Variants in TF observed in about 807,000 individuals in gnomAD.
The protein encoded by TF is transferrin.
In TF, 55 loss-of-function variants were observed where a neutral mutation model predicts 82.4. The observed-to-expected ratio is 0.67, with a 90% CI of 0.54 to 0.84. The LOEUF (loss-of-function observed/expected upper bound fraction) is 0.84. Among genes scored for constraint, TF ranks in the 40% least tolerant of loss-of-function variants. The probability of loss-of-function intolerance (pLI) is 0.00; values close to 1 mark genes in which losing one functional copy is unlikely to be tolerated. For synonymous variants in TF, 332 were observed against 332.6 expected, an observed-to-expected ratio of 1.00 and a Z score of 0.02; for missense variants, 737 against 868.4, an observed-to-expected ratio of 0.85 and a Z score of 1.90.
the TF span, among the ~76,000 whole-genome samples, chr3:133,724,573 C>A: frequency 3.4e-4 from 51 of 152,168 alleles, no homozygotes; most frequent in Non-Finnish European, 5.1e-4. Context: ...TCAGATGAGT[C>A]GGTTGCGAAA....
the TF span, among the ~76,000 whole-genome samples, chr3:133,693,930 C>A: frequency 2.6e-5 from 4 of 152,040 alleles, no homozygotes; most frequent in Non-Finnish European, 5.9e-5. Flanking sequence ...CTCTCACACC[C>A]TGCAGCGGAC....
At position 133,791,827 on chromosome 3, in the gene TF, T is replaced by C. The variant is rs1934846635; in HGVS notation, c.*13207T>C. 6.6e-6 allele frequency: 1 copy of C among 152,208 alleles called. No individual in the cohort carries two copies. The highest frequency in any genetic ancestry group is 1.5e-5 in the Non-Finnish European group (1 of 68,030). The allele number at this position is 152,208 out of a possible 1,614,324, so 9.4% of individuals were successfully genotyped here. ...ATGAGTCCTTTATCTTCTGTCTGTG[T>C]ATTTATATGTGTTGTGTGTGTACTA... On this transcript the variant is annotated 3_prime_UTR_variant, in exon 17 of 17. Transcript: ENST00000402696.
At chr3:133,685,210 A>C in the TF span, among the ~76,000 whole-genome samples, 18 of 152,260 alleles carry the variant, frequency 1.2e-4, no homozygotes, top group Non-Finnish European at 2.2e-4. Context: ...ATCTCAAAAT[A>C]ATAAGAGCTA....
chr3:133,752,097 A>ATT (rs111531493), intron 2 of TF, among the ~76,000 whole-genome samples: 1 of 133,298 alleles, frequency 7.5e-6, no homozygotes, highest in Non-Finnish European at 1.6e-5. Flanking sequence ...TTGCTTTGTA[A>ATT]TTTTTTTTTT....
intron 11 of TF, 48 bp from the exon 12 acceptor site, chr3:133,766,230 G>T: frequency 6.3e-7 from 1 of 1,588,552 alleles, no homozygotes. Flanking sequence ...AGACACTCTG[G>T]AAGCCCCAGA....
At chr3:133,741,898 T>A (rs57811349), upstream of TF, among the ~76,000 whole-genome samples, 1,496 of 152,374 alleles carry the variant, frequency 9.8e-3, 23 homozygotes, top group African/African-American at 0.034. Flanking sequence ...TTGTTAGTTT[T>A]TCCTTTCTAA....
At position 133,780,564 on chromosome 3, in the gene TF, A is replaced by G. The variant is rs1490588545; in HGVS notation, c.*1944A>G. The G allele has an allele frequency of 6.6e-6, 1 of 152,248 alleles. No individual in the cohort carries two copies. The highest frequency in any genetic ancestry group is 1.5e-5 in the Non-Finnish European group (1 of 68,038). The allele number at this position is 152,248 out of a possible 1,614,324, so 9.4% of individuals were successfully genotyped here. ...CTACTAAAGTTAGGAACATGAAAAA[A>G]ATTGATTACTATCTATCTTATTTTA... On this transcript the variant is annotated 3_prime_UTR_variant, in exon 17 of 17. Coordinates refer to ENST00000402696, the MANE Select transcript of TF (RefSeq NM_001063.4).
At chr3:133,733,562 AT>A in the TF span, among the ~76,000 whole-genome samples, 1 of 152,152 alleles carries the variant, frequency 6.6e-6, no homozygotes, top group Non-Finnish European at 1.5e-5. Flanking sequence ...ACTGGGTGAG[AT>A]TGAAAATATG....
At chr3:133,724,668 C>A in the TF span, among the ~76,000 whole-genome samples, 1 of 152,202 alleles carries the variant, frequency 6.6e-6, no homozygotes, top group Non-Finnish European at 1.5e-5. Context: ...AATTAGATCC[C>A]ATTTGTCAAT....
At chr3:133,711,136 T>C in the TF span, among the ~76,000 whole-genome samples, 1 of 152,212 alleles carries the variant, frequency 6.6e-6, no homozygotes, top group Non-Finnish European at 1.5e-5. Flanking sequence ...TTAAGAAACG[T>C]TTGCGTTGCT....
At chr3:133,774,007 T>C (rs892907879) in intron 14 of TF, 6 of 152,192 alleles carry the variant, frequency 3.9e-5, no homozygotes, top group Non-Finnish European at 8.8e-5. Flanking sequence ...ACAACTGAAA[T>C]CTTGCCTCCT....
At position 133,783,453 on chromosome 3, in the gene TF, C is replaced by G. The variant is rs995107136; in HGVS notation, c.*4833C>G. The G allele has an allele frequency of 6.6e-6, 1 of 151,952 alleles. No individual in the cohort carries two copies. 9.4% of individuals were successfully genotyped at this position (151,952 alleles called of 1,614,324 possible). ...ACTTACCGGTTAAAGTAAAAACTTT[C>G]GAAACGTATAAAGGTTTAAATATAA... On this transcript the variant is annotated 3_prime_UTR_variant, in exon 17 of 17. Coordinates refer to ENST00000402696, the MANE Select transcript of TF (RefSeq NM_001063.4).
chr3:133,693,827 A>G, the TF span, among the ~76,000 whole-genome samples: 2 of 152,330 alleles, frequency 1.3e-5, no homozygotes, highest in South Asian at 4.1e-4. Context: ...CTGTGTTTAG[A>G]GTTCAGCCTG....
At position 133,754,587 on chromosome 3, in the gene TF, G is replaced by C; in HGVS notation, c.418G>C (p.Gly140Arg). The C allele has an allele frequency of 6.2e-7, 1 of 1,614,126 alleles. No homozygotes were observed. Among genetic ancestry groups the C allele is most frequent in the Non-Finnish European group, 8.5e-7 (1 of 1,179,996 alleles). ...TCGAGGCAAGAAGTCCTGCCACACG[G>C]GTCTAGGCAGGTCCGCTGGGTGGAA... is the stretch of plus-strand genomic sequence containing the variant. ...QLRGKKSCHTGLGRSAGWNIP... is the reference protein window; with the variant it reads ...QLRGKKSCHTRLGRSAGWNIP... Residue 140 changes from glycine (G) to arginine (R), a missense_variant, in exon 4 of 17, where the codon GGT becomes CGT. Transcript: ENST00000402696.
intron 9 of TF, 78 bp downstream of exon 9, chr3:133,759,407 T>C: frequency 6.3e-7 from 1 of 1,578,294 alleles, no homozygotes; most frequent in Non-Finnish European, 8.6e-7. Context: ...CTAGGGAGTG[T>C]TCCTGGGAAT....
the TF span, among the ~76,000 whole-genome samples, chr3:133,714,951 G>A: frequency 5.9e-5 from 9 of 152,286 alleles, no homozygotes; most frequent in African/African-American, 2.2e-4. Flanking sequence ...CCAAAGTGCT[G>A]GGATTACAGG....
At chr3:133,680,602 A>G in the TF span, among the ~76,000 whole-genome samples, 1 of 150,682 alleles carries the variant, frequency 6.6e-6, no homozygotes, top group Non-Finnish European at 1.5e-5. Flanking sequence ...CCTTATCTTG[A>G]CATTCCACAC....
chr3:133,709,038 G>A, the TF span, among the ~76,000 whole-genome samples: 1 of 152,184 alleles, frequency 6.6e-6, no homozygotes, highest in South Asian at 2.1e-4. Flanking sequence ...CTAGTACAGT[G>A]ATTTCAAGAC....
chr3:133,699,385 C>T, the TF span: 2 of 878,224 alleles, frequency 2.3e-6, no homozygotes, highest in South Asian at 2.6e-5. Flanking sequence ...GGGCATGGGT[C>T]ATCCTAACTA....
Sources: allele counts gnomAD v4.1 joint callset (sites outside exome capture counted in the v4.1 genomes callset), GRCh38; gene constraint gnomAD v4.1.1; transcripts MANE v1.5; gene names NCBI Gene and HGNC (gene_info 2026-07-23, HGNC 2026-07-21).